Variants in HACE1 observed in about 807,000 individuals in gnomAD.
HACE1 encodes the protein HECT domain and ankyrin repeat containing E3 ubiquitin protein ligase 1.
A neutral mutation model predicts 118.4 loss-of-function variants in HACE1; 73 were observed. The observed-to-expected ratio is 0.62, with a 90% CI of 0.51 to 0.75. The LOEUF (loss-of-function observed/expected upper bound fraction) is 0.75. HACE1 is among the 30% of genes least tolerant of loss of function. The pLI, the probability that HACE1 is intolerant of heterozygous loss-of-function variation, is 0.00. For synonymous variants in HACE1, 368 were observed against 374.8 expected, an observed-to-expected ratio of 0.98 and a Z score of 0.21; for missense variants, 749 against 1,102.2, an observed-to-expected ratio of 0.68 and a Z score of 4.54.
At chr6:104,848,999 AT>A (rs1775921613) in intron 4 of HACE1, 142 bp downstream of exon 4, 1 of 643,592 alleles carries the variant, frequency 1.6e-6, no homozygotes, top group Non-Finnish European at 2.8e-6. Context: ...GACAAAAAAA[AT>A]ATAGAAAATA....
chr6:104,735,641 A>C (rs1479422568), intron 22 of HACE1, among the ~76,000 whole-genome samples: 1 of 152,176 alleles, frequency 6.6e-6, no homozygotes, highest in Non-Finnish European at 1.5e-5. Context: ...AAAAAAAAAA[A>C]AAGTAAAAAT....
intron 19 of HACE1, among the ~76,000 whole-genome samples, chr6:104,770,045 A>T (rs1478203104): frequency 6.6e-6 from 1 of 152,198 alleles, no homozygotes; most frequent in East Asian, 1.9e-4. Flanking sequence ...TATTATTCCA[A>T]TTCTACAGAA....
chr6:104,814,013 G>A (rs547242847), intron 6 of HACE1, among the ~76,000 whole-genome samples: 2 of 137,458 alleles, frequency 1.5e-5, no homozygotes, highest in South Asian at 4.4e-4. Flanking sequence ...AGTTTAAAAA[G>A]AAAATGTTCA....
chr6:104,855,633 T>C (rs904192756), intron 1 of HACE1, among the ~76,000 whole-genome samples: 4 of 152,140 alleles, frequency 2.6e-5, no homozygotes, highest in African/African-American at 9.7e-5. Context: ...TCTCAGAAAC[T>C]ACCAATGAGT....
In HACE1 at chr6:104,852,316, C is replaced by T. The variant is rs1562515329; in HGVS notation, c.131+1G>A. The T allele has an allele frequency of 1.2e-6, 2 of 1,608,572 alleles. No homozygotes were observed. The highest frequency in any genetic ancestry group is 2.2e-5 in the East Asian group (1 of 44,838). The stretch of plus-strand genomic sequence containing the variant: ...CAAAAATTTTTGGAACAAGCACTCA[C>T]CTGTGTTGATCAGCCATAACCATTG... On this transcript the variant is annotated splice_donor_variant, in intron 2 of 23. Coordinates refer to ENST00000262903, the MANE Select transcript of HACE1 (RefSeq NM_020771.4). LOFTEE classifies it high-confidence loss of function.
intron 20 of HACE1, among the ~76,000 whole-genome samples, chr6:104,744,824 C>A (rs1777228601): frequency 6.6e-6 from 1 of 152,154 alleles, no homozygotes; most frequent in Non-Finnish European, 1.5e-5. Context: ...GATGTTTCCA[C>A]ATTGATACAA....
chr6:104,856,168 G>A (rs1395340303), intron 1 of HACE1, among the ~76,000 whole-genome samples: 1 of 152,062 alleles, frequency 6.6e-6, no homozygotes, highest in African/African-American at 2.4e-5. Context: ...GACAAGAAAA[G>A]TTTAATCTAT....
chr6:104,804,590 GACA>G lies in HACE1; in HGVS notation c.617+6718_617+6720del, dbSNP rs1200848306. On this transcript the variant is annotated intron_variant, in intron 7 of 23. Transcript: ENST00000262903. ...TAACCATCTGATCTTTGACAAACCTGACAACAAGAAATAGGGAAAGGATTCCCT... is the reference window on the plus strand; with the variant it reads ...TAACCATCTGATCTTTGACAAACCTGACAAGAAATAGGGAAAGGATTCCCT... 2.6e-5 allele frequency among the ~76,000 whole-genome samples: 4 copies of G among 152,144 alleles called. 1 individual carries two copies. The East Asian group carries it at 7.7e-4, about 29-fold the overall frequency.
At chr6:104,792,960 G>A (rs55659239) in intron 10 of HACE1, among the ~76,000 whole-genome samples, 58 of 152,086 alleles carry the variant, frequency 3.8e-4, no homozygotes, top group African/African-American at 1.1e-3. Flanking sequence ...CTTCTTCCCC[G>A]GCCCCTTCCT....
intron 4 of HACE1, among the ~76,000 whole-genome samples, 182 bp downstream of exon 4, chr6:104,848,960 G>A (rs1327781744): frequency 6.6e-6 from 1 of 151,632 alleles, no homozygotes; most frequent in Non-Finnish European, 1.5e-5. Context: ...CTATAAAGAA[G>A]AACAATATCA....
At chr6:104,793,610 T>G (rs1783304605) in intron 10 of HACE1, among the ~76,000 whole-genome samples, 1 of 152,226 alleles carries the variant, frequency 6.6e-6, no homozygotes. Flanking sequence ...TAACATATAT[T>G]TGAATCAGTT....
chr6:104,803,002 A>G (rs538938655), intron 7 of HACE1, among the ~76,000 whole-genome samples: 2 of 152,332 alleles, frequency 1.3e-5, no homozygotes, highest in South Asian at 4.1e-4. Context: ...GAAGAATCAA[A>G]CAGACACAAT....
chr6:104,774,692 T>C (rs141891518), intron 17 of HACE1, among the ~76,000 whole-genome samples: 74 of 152,274 alleles, frequency 4.9e-4, no homozygotes, highest in African/African-American at 1.8e-3. Context: ...GCAGGTATCA[T>C]CATTTTTAAA....
intron 6 of HACE1, among the ~76,000 whole-genome samples, chr6:104,818,820 TA>T (rs1171129335): frequency 6.6e-6 from 1 of 151,826 alleles, no homozygotes; most frequent in African/African-American, 2.4e-5. Flanking sequence ...AGGCTTTTGA[TA>T]AAATTCAACA....
intron 17 of HACE1, among the ~76,000 whole-genome samples, chr6:104,773,755 G>C (rs1780878860): frequency 6.8e-6 from 1 of 146,152 alleles, no homozygotes; most frequent in Non-Finnish European, 1.5e-5. Flanking sequence ...AAAAAGAATA[G>C]ATAAGGAGAC....
intron 22 of HACE1, among the ~76,000 whole-genome samples, chr6:104,737,205 T>G (rs1288655721): frequency 3.0e-5 from 4 of 132,604 alleles, no homozygotes; most frequent in African/African-American, 1.2e-4. Context: ...GGCAGGAGAA[T>G]CACTTGAACC....
chr6:104,829,898 T>C (rs1470571552), intron 6 of HACE1, among the ~76,000 whole-genome samples: 1 of 152,182 alleles, frequency 6.6e-6, no homozygotes, highest in African/African-American at 2.4e-5. Context: ...TTGTAAACCA[T>C]ATGGAGTATA....
At chr6:104,815,797 G>A (rs1278172138) in intron 6 of HACE1, among the ~76,000 whole-genome samples, 6 of 138,522 alleles carry the variant, frequency 4.3e-5, no homozygotes, top group Admixed American at 3.6e-4. Flanking sequence ...AGAGGGCCAG[G>A]CACAGTGGCT....
intron 3 of HACE1, among the ~76,000 whole-genome samples, chr6:104,850,169 C>T (rs527974775): frequency 1.3e-5 from 2 of 152,094 alleles, no homozygotes; most frequent in East Asian, 3.9e-4. Context: ...AGGCTGGTCT[C>T]GAACTCCTGA....
Sources: gnomAD v4.1 joint callset for allele counts (sites outside exome capture counted in the v4.1 genomes callset) on GRCh38, gnomAD v4.1.1 for gene constraint, MANE v1.5 for transcripts, NCBI Gene and HGNC (gene_info 2026-07-23, HGNC 2026-07-21) for gene names.